The following CNTNAP5 variants were observed in gnomAD, a reference collection of about 807,000 sequenced individuals.
CNTNAP5 encodes the protein contactin-associated protein-like 5.
In CNTNAP5, 72 loss-of-function variants were observed where a neutral mutation model predicts 150.2. The observed-to-expected ratio is 0.48, with a 90% confidence interval of 0.40 to 0.58. The LOEUF is 0.58. Among genes scored for constraint, CNTNAP5 ranks in the 20% least tolerant of loss-of-function variants. CNTNAP5 has a pLI of 0.00. For synonymous variants in CNTNAP5, 672 were observed against 619.8 expected (o/e 1.08, Z -1.25); for missense variants, 1,636 against 1,626.2 (o/e 1.01, Z -0.10).
At chr2:124,469,561 T>C (rs1693454530) in intron 6 of CNTNAP5, among the ~76,000 whole-genome samples, 1 of 151,966 alleles carries the variant, frequency 6.6e-6, no homozygotes, top group African/African-American at 2.4e-5. Flanking sequence ...ATCTTTTCTT[T>C]TTTTTTACAT....
chr2:124,189,821 T>C (rs1030638376), intron 1 of CNTNAP5, among the ~76,000 whole-genome samples: 2 of 152,174 alleles, frequency 1.3e-5, no homozygotes, highest in Non-Finnish European at 2.9e-5. Context: ...AATGGGTTCA[T>C]CTAAAGGGCA....
intron 13 of CNTNAP5, among the ~76,000 whole-genome samples, chr2:124,682,669 A>C (rs940731343): frequency 3.3e-5 from 5 of 152,098 alleles, no homozygotes; most frequent in African/African-American, 1.2e-4. Flanking sequence ...TAATTGCTAG[A>C]ACTCTGAAAT....
chr2:124,622,866 A>T (rs77062627), intron 12 of CNTNAP5, among the ~76,000 whole-genome samples: 2,628 of 152,266 alleles, frequency 0.017, 67 homozygotes, highest in African/African-American at 0.061. Flanking sequence ...GTTACCACAA[A>T]GTTGTCATTT....
At chr2:124,159,751 G>A (rs1203841929) in intron 1 of CNTNAP5, among the ~76,000 whole-genome samples, 4 of 152,126 alleles carry the variant, frequency 2.6e-5, no homozygotes, top group Admixed American at 6.6e-5. Context: ...TTGTGGTCTT[G>A]TTTTGAATAC....
chr2:124,561,907 T>G (rs1196236023), intron 10 of CNTNAP5, among the ~76,000 whole-genome samples: 1 of 151,968 alleles, frequency 6.6e-6, no homozygotes, highest in Non-Finnish European at 1.5e-5. Context: ...GCTTGCACCC[T>G]CTCTCTTTTT....
At chr2:124,639,557 A>G (rs902201513) in intron 12 of CNTNAP5, among the ~76,000 whole-genome samples, 14 of 152,160 alleles carry the variant, frequency 9.2e-5, no homozygotes, top group Admixed American at 6.5e-4. Flanking sequence ...CAATCAGCTC[A>G]CTAGCTCATG....
chr2:124,164,666 G>A (rs2104654104), intron 1 of CNTNAP5, among the ~76,000 whole-genome samples: 1 of 152,282 alleles, frequency 6.6e-6, no homozygotes, highest in African/African-American at 2.4e-5. Context: ...ATACGGAAGA[G>A]AAAGGCAGAA....
intron 19 of CNTNAP5, among the ~76,000 whole-genome samples, chr2:124,856,918 A>C (rs561834375): frequency 6.4e-4 from 97 of 152,308 alleles, no homozygotes; most frequent in South Asian, 1.0e-3. Context: ...CTGGATACTT[A>C]GAGCATGAGG....
Position 124,038,647 on chromosome 2 carries a change from T to G in CNTNAP5, c.82+12915T>G, listed in dbSNP as rs546662944. On this transcript the variant is annotated intron_variant, in intron 1 of 23. Coordinates refer to ENST00000682447, the MANE Select transcript of CNTNAP5 (RefSeq NM_001367498.1). ...TTGGTTTACTAAATGAAATCTTACA[T>G]ATGATTTTAATATGTAAAATAAATT... Among the ~76,000 whole-genome samples, 6 of 152,304 alleles carry G rather than the reference T, an allele frequency of 3.9e-5. No homozygotes were observed. In the South Asian group the frequency reaches 1.2e-3, roughly 32 times the overall value.
At chr2:124,245,717 AT>A (rs1687004555) in intron 3 of CNTNAP5, among the ~76,000 whole-genome samples, 2 of 150,982 alleles carry the variant, frequency 1.3e-5, no homozygotes, top group Non-Finnish European at 2.9e-5. Flanking sequence ...ATATATTTAT[AT>A]ACACAAATAT....
chr2:124,314,987 C>CT (rs66530326), intron 3 of CNTNAP5, among the ~76,000 whole-genome samples: 177 of 145,682 alleles, frequency 1.2e-3, no homozygotes, highest in African/African-American at 1.8e-3. Flanking sequence ...ACAAACAAGC[C>CT]TTTTTTTTTT....
intron 17 of CNTNAP5, among the ~76,000 whole-genome samples, chr2:124,776,381 A>G (rs1455424089): frequency 6.6e-6 from 1 of 152,098 alleles, no homozygotes; most frequent in African/African-American, 2.4e-5. Context: ...CACTGACTTG[A>G]TAAGTCATAA....
At chr2:124,510,261 A>G (rs1033111847) in intron 8 of CNTNAP5, among the ~76,000 whole-genome samples, 2 of 130,360 alleles carry the variant, frequency 1.5e-5, no homozygotes, top group African/African-American at 6.2e-5. Context: ...CTATATCTAT[A>G]TATCTATATA....
intron 3 of CNTNAP5, among the ~76,000 whole-genome samples, chr2:124,363,149 G>A (rs982220278): frequency 6.6e-6 from 1 of 152,198 alleles, no homozygotes; most frequent in Non-Finnish European, 1.5e-5. Context: ...GTTGCTGGCT[G>A]TTAATTAGCA....
At chr2:124,906,398 A>G (rs1433540416) in intron 22 of CNTNAP5, among the ~76,000 whole-genome samples, 1 of 152,082 alleles carries the variant, frequency 6.6e-6, no homozygotes, top group Non-Finnish European at 1.5e-5. Context: ...TTACTATGGT[A>G]TTGTTTTACC....
intron 8 of CNTNAP5, among the ~76,000 whole-genome samples, chr2:124,508,095 A>T (rs1016151634): frequency 2.0e-5 from 3 of 151,958 alleles, no homozygotes; most frequent in Non-Finnish European, 2.9e-5. Context: ...AGATAAAAAA[A>T]AAATTATGTT....
At chr2:124,874,093 G>T (rs939742746) in intron 21 of CNTNAP5, among the ~76,000 whole-genome samples, 3 of 152,162 alleles carry the variant, frequency 2.0e-5, no homozygotes, top group African/African-American at 7.2e-5. Flanking sequence ...ATGAAAAATA[G>T]CAGATTTAAT....
At chr2:124,308,172 T>G (rs760143200) in intron 3 of CNTNAP5, among the ~76,000 whole-genome samples, 1 of 152,246 alleles carries the variant, frequency 6.6e-6, no homozygotes, top group Non-Finnish European at 1.5e-5. Flanking sequence ...GGAAAGTTAC[T>G]TTTCATTGCT....
intron 10 of CNTNAP5, among the ~76,000 whole-genome samples, chr2:124,528,549 C>T (rs972063156): frequency 1.3e-5 from 2 of 152,116 alleles, no homozygotes; most frequent in Admixed American, 1.3e-4. Flanking sequence ...GTTGAATTGG[C>T]AATATCTATT....
Sources: gnomAD v4.1 joint callset for allele counts (sites outside exome capture counted in the v4.1 genomes callset) on GRCh38, gnomAD v4.1.1 for gene constraint, MANE v1.5 for transcripts, NCBI Gene and HGNC (gene_info 2026-07-23, HGNC 2026-07-21) for gene names.